The following EXOC6 variants were observed in gnomAD, a reference collection of about 807,000 sequenced individuals.
The protein encoded by EXOC6 is exocyst complex component 6.
Under a neutral mutation model 112.5 loss-of-function variants are expected in EXOC6, and 60 were observed. That is an observed-to-expected ratio of 0.53 (90% CI 0.43 to 0.66). The LOEUF is 0.66. EXOC6 is among the 30% of genes least tolerant of loss of function. The pLI, the probability that EXOC6 is intolerant of heterozygous loss-of-function variation, is 0.00. For missense variants in EXOC6, 855 were observed against 957.1 expected, an observed-to-expected ratio of 0.89 and a Z score of 1.41; for synonymous variants, 295 against 308.0, an observed-to-expected ratio of 0.96 and a Z score of 0.44.
intron 18 of EXOC6, among the ~76,000 whole-genome samples, chr10:92,997,196 T>C (rs1324822598): frequency 1.3e-5 from 2 of 152,182 alleles, no homozygotes. Context: ...AGATCTGAAA[T>C]AATAGTTTTT....
intron 20 of EXOC6, among the ~76,000 whole-genome samples, chr10:93,025,408 A>T (rs1035907961): frequency 1.3e-5 from 2 of 152,216 alleles, no homozygotes; most frequent in African/African-American, 4.8e-5. Context: ...ACCTTGTCAT[A>T]TGAGAAGCCA....
At chr10:93,045,020 C>T (rs1845938875) in intron 20 of EXOC6, among the ~76,000 whole-genome samples, 1 of 132,482 alleles carries the variant, frequency 7.5e-6, no homozygotes, top group South Asian at 2.7e-4. Flanking sequence ...CTACAGGTAC[C>T]CGCCACCACG....
At chr10:93,019,268 C>G (rs1306418249) in intron 20 of EXOC6, among the ~76,000 whole-genome samples, 1 of 152,162 alleles carries the variant, frequency 6.6e-6, no homozygotes, top group East Asian at 1.9e-4. Context: ...GCGTGAGCCA[C>G]CACACTTGGC....
chr10:92,972,751 T>C (rs946718181), intron 17 of EXOC6, among the ~76,000 whole-genome samples: 5 of 152,216 alleles, frequency 3.3e-5, no homozygotes, highest in African/African-American at 1.2e-4. Flanking sequence ...TTCCTTTGGC[T>C]AGTCACATAA....
At chr10:92,996,156 C>G (rs539798609) in intron 18 of EXOC6, among the ~76,000 whole-genome samples, 224 of 152,096 alleles carry the variant, frequency 1.5e-3, no homozygotes, top group Non-Finnish European at 2.8e-3. Flanking sequence ...GCAAACGAGG[C>G]AAAACATGGC....
At chr10:93,052,061 T>C (rs1846314916) in intron 20 of EXOC6, among the ~76,000 whole-genome samples, 1 of 152,208 alleles carries the variant, frequency 6.6e-6, no homozygotes, top group South Asian at 2.1e-4. Context: ...CTTAACTTTA[T>C]TTATCTTCTG....
intron 4 of EXOC6, among the ~76,000 whole-genome samples, chr10:92,895,678 C>CT (rs1028817687): frequency 6.6e-6 from 1 of 151,608 alleles, no homozygotes; most frequent in Non-Finnish European, 1.5e-5. Flanking sequence ...AGGTATATGA[C>CT]TTTTTTTCTT....
At chr10:93,056,833 A>G (rs1239367593) in intron 20 of EXOC6, 91 bp from the exon 21 acceptor site, 14 of 703,904 alleles carry the variant, frequency 2.0e-5, no homozygotes, top group Non-Finnish European at 3.0e-5. Context: ...GAAGCAAGCC[A>G]TATTAAAATG....
chr10:93,051,060 C>A (rs868074146), intron 20 of EXOC6, among the ~76,000 whole-genome samples: 21 of 151,576 alleles, frequency 1.4e-4, no homozygotes, highest in African/African-American at 4.8e-4. Context: ...GCTATTTTAG[C>A]CATGGTAGTG....
upstream of EXOC6, among the ~76,000 whole-genome samples, chr10:92,830,560 C>A (rs1207610857): frequency 1.3e-5 from 2 of 152,240 alleles, no homozygotes; most frequent in African/African-American, 4.8e-5. Context: ...CTGGATAATT[C>A]ATGTGTATGT....
At chr10:92,983,425 C>T (rs1049859802) in intron 18 of EXOC6, among the ~76,000 whole-genome samples, 1 of 151,762 alleles carries the variant, frequency 6.6e-6, no homozygotes, top group Non-Finnish European at 1.5e-5. Flanking sequence ...GTACAAGTAG[C>T]AACCTTTCCC....
At chr10:92,976,068 C>A (rs1842585552) in intron 18 of EXOC6, among the ~76,000 whole-genome samples, 1 of 149,228 alleles carries the variant, frequency 6.7e-6, no homozygotes, top group African/African-American at 2.5e-5. Flanking sequence ...CAGCCCCCCG[C>A]CCGGCCAGCC....
chr10:93,030,914 A>G (rs572217816), intron 20 of EXOC6, among the ~76,000 whole-genome samples: 60 of 152,292 alleles, frequency 3.9e-4, no homozygotes, highest in African/African-American at 1.3e-3. Flanking sequence ...AAGGCAAACA[A>G]TCTAATTTTT....
chr10:92,947,546 A>C (rs919137718), intron 13 of EXOC6, among the ~76,000 whole-genome samples: 1 of 152,226 alleles, frequency 6.6e-6, no homozygotes, highest in Non-Finnish European at 1.5e-5. Context: ...TTTGATCTTC[A>C]AGAGTTTATA....
chr10:92,981,165 C>T (rs1029531841), intron 18 of EXOC6, among the ~76,000 whole-genome samples: 1 of 152,076 alleles, frequency 6.6e-6, no homozygotes, highest in Non-Finnish European at 1.5e-5. Flanking sequence ...TTATATTAGC[C>T]AGAAAACTTA....
At chr10:92,952,555 C>T (rs1853480282) in intron 15 of EXOC6, among the ~76,000 whole-genome samples, 173 bp downstream of exon 15, 1 of 152,152 alleles carries the variant, frequency 6.6e-6, no homozygotes, top group South Asian at 2.1e-4. Context: ...TTGAACGTGT[C>T]ACCCAGGTAG....
intron 20 of EXOC6, among the ~76,000 whole-genome samples, chr10:93,032,682 A>G (rs1845326225): frequency 6.6e-6 from 1 of 152,232 alleles, no homozygotes; most frequent in African/African-American, 2.4e-5. Context: ...TGAACAAGAT[A>G]GGCAGGATCC....
At chr10:92,979,155 G>A (rs1011447659) in intron 18 of EXOC6, among the ~76,000 whole-genome samples, 2 of 152,036 alleles carry the variant, frequency 1.3e-5, no homozygotes, top group Non-Finnish European at 2.9e-5. Flanking sequence ...CTGCCAAAAG[G>A]GATCCCTTCC....
intron 1 of EXOC6, among the ~76,000 whole-genome samples, chr10:92,858,820 C>T (rs113574744): frequency 0.022 from 3,351 of 152,224 alleles, 57 homozygotes; most frequent in African/African-American, 0.041. Context: ...GGTTGGAGTG[C>T]AGTGGCACAA....
Sources: gnomAD v4.1 joint callset for allele counts (sites outside exome capture counted in the v4.1 genomes callset) on GRCh38, gnomAD v4.1.1 for gene constraint, MANE v1.5 for transcripts, NCBI Gene and HGNC (gene_info 2026-07-23, HGNC 2026-07-21) for gene names.